PCDHGA11: variants seen among roughly 807,000 people sequenced by gnomAD.
PCDHGA11 encodes protocadherin gamma subfamily A, 11, also known as protocadherin gamma-A11.
PCDHGA11 carries 39 observed loss-of-function variants against 60.4 expected under a neutral mutation model. That is an observed-to-expected ratio of 0.65 (90% CI 0.50 to 0.84). The LOEUF (loss-of-function observed/expected upper bound fraction) is 0.84, where lower values mean the gene tolerates loss of function less well. Among genes scored for constraint, PCDHGA11 ranks in the 40% least tolerant of loss-of-function variants. The pLI, the probability that PCDHGA11 is intolerant of heterozygous loss-of-function variation, is 0.00. For missense variants in PCDHGA11, 1,165 were observed against 1,197.7 expected (o/e 0.97, Z 0.40); for synonymous variants, 533 against 510.3 (o/e 1.04, Z -0.60).
intron 1 of PCDHGA11, among the ~76,000 whole-genome samples, chr5:141,425,318 G>A (rs1304835508): frequency 1.3e-5 from 2 of 152,158 alleles, no homozygotes; most frequent in Non-Finnish European, 2.9e-5. Context: ...TCCCAAGATC[G>A]TGGAGAACAA....
chr5:141,424,768 A>G (rs143190880), intron 1 of PCDHGA11: 38 of 152,284 alleles, frequency 2.5e-4, no homozygotes, highest in African/African-American at 9.1e-4. Context: ...TCTTATGGCA[A>G]ATAGTACATT....
chr5:141,491,763 T>C lies in PCDHGA11; in HGVS notation c.2434-3044T>C. 1 of 1,570,222 alleles carries C rather than the reference T, an allele frequency of 6.4e-7. No homozygotes were observed. Among genetic ancestry groups the C allele is most frequent in the Non-Finnish European group, 8.6e-7 (1 of 1,159,286 alleles). Reference sequence around the variant, plus strand: ...GCGGCACTGGAGAAGCCGCCCGTCCTCATAAGGGATTGAACTTGCATCCAC... The same window carrying C: ...GCGGCACTGGAGAAGCCGCCCGTCCCCATAAGGGATTGAACTTGCATCCAC... On this transcript the variant is annotated intron_variant, in intron 1 of 3. Coordinates refer to ENST00000398587, the MANE Select transcript of PCDHGA11 (RefSeq NM_018914.3). The surrounding 1 kb of genome is among the most constrained non-coding windows in gnomAD (Gnocchi z 6.9).
chr5:141,431,642 G>A lies in PCDHGA11; in HGVS notation c.2433+7982G>A, dbSNP rs762914489. The A allele has an allele frequency of 6.2e-7, 1 of 1,614,272 alleles. No homozygotes were observed. The highest frequency in any genetic ancestry group is 1.1e-5 in the South Asian group (1 of 91,090). On this transcript the variant is annotated intron_variant, in intron 1 of 3. Transcript: ENST00000398587. This position sits in a 1 kb window ranked among gnomAD's most constrained non-coding sequence, Gnocchi z 4.8. ...CAAGGCGGCCCAAGTTTTCAAACTA[G>A]ATTGTAATTCAGGGACAATATCAAC... is the stretch of plus-strand genomic sequence containing the variant.
chr5:141,465,759 A>G (rs2099108647), intron 1 of PCDHGA11, among the ~76,000 whole-genome samples: 2 of 151,280 alleles, frequency 1.3e-5, no homozygotes, highest in South Asian at 4.2e-4. Context: ...TGGTAAAGTC[A>G]TGTTTCATCT....
rs566049956 is a variant in PCDHGA11 at position 141,511,685 on chromosome 5, G to A, written c.*512G>A. 1.0e-5 allele frequency: 2 copies of A among 198,374 alleles called. No individual in the cohort carries two copies. Among genetic ancestry groups the A allele is most frequent in the Non-Finnish European group, 2.1e-5 (2 of 94,428 alleles). The allele number at this position is 198,374 out of a possible 1,614,324, so 12.3% of individuals were successfully genotyped here. On this transcript the variant is annotated 3_prime_UTR_variant, in exon 4 of 4. Coordinates refer to ENST00000398587, the MANE Select transcript of PCDHGA11 (RefSeq NM_018914.3). ...GATTCTCAATCTTCCCCCAAAGCAT[G>A]GTTTGGTGCCAGCCCCTTCACCTCC...
At position 141,491,290 on chromosome 5, in the gene PCDHGA11, C is replaced by T. The variant is rs747758229; in HGVS notation, c.2434-3517C>T. Reference sequence around the variant, plus strand: ...CAAATCCAGTGACTTCCTCATACACCCTCCTGAGCGTTCAGACCTTACCCT... The same window carrying T: ...CAAATCCAGTGACTTCCTCATACACTCTCCTGAGCGTTCAGACCTTACCCT... On this transcript the variant is annotated intron_variant, in intron 1 of 3. Coordinates refer to ENST00000398587, the MANE Select transcript of PCDHGA11 (RefSeq NM_018914.3). The surrounding 1 kb of genome is among the most constrained non-coding windows in gnomAD (Gnocchi z 6.9). 6.2e-7 allele frequency: 1 copy of T among 1,613,974 alleles called. No homozygotes were observed. Among genetic ancestry groups the T allele is most frequent in the Non-Finnish European group, 8.5e-7 (1 of 1,179,952 alleles).
At chr5:141,454,997 A>G (rs2098809547) in intron 1 of PCDHGA11, among the ~76,000 whole-genome samples, 2 of 151,192 alleles carry the variant, frequency 1.3e-5, no homozygotes, top group Admixed American at 6.6e-5. Flanking sequence ...TATTTTTAGT[A>G]GAGACGGGGT....
chr5:141,445,302 A>C (rs2098462947), intron 1 of PCDHGA11, among the ~76,000 whole-genome samples: 1 of 152,220 alleles, frequency 6.6e-6, no homozygotes, highest in African/African-American at 2.4e-5. Flanking sequence ...CATTCTCTTC[A>C]GTTTGTAGGT....
rs1197249074 is a variant in PCDHGA11 at position 141,438,579 on chromosome 5, CATACATACATACATATATAT to C, written c.2433+14923_2433+14942del. ...AAGAGGCAGCTGTCTGATATACATACATACATACATACATATATATATATATATATATATATATATATATA... is the reference window on the plus strand; with the variant it reads ...AAGAGGCAGCTGTCTGATATACATACATATATATATATATATATATATATA... On this transcript the variant is annotated intron_variant, in intron 1 of 3. Transcript: ENST00000398587. Among the ~76,000 whole-genome samples the C allele has an allele frequency of 5.3e-3, 298 of 55,734 alleles. 1 individual carries two copies. Among genetic ancestry groups the C allele is most frequent in the Admixed American group, 0.022 (77 of 3,542 alleles). The allele number at this position is 55,734 out of a possible 152,430, so 36.6% of individuals were successfully genotyped here.
At chr5:141,436,707 T>C (rs985035872) in intron 1 of PCDHGA11, among the ~76,000 whole-genome samples, 18 of 152,208 alleles carry the variant, frequency 1.2e-4, no homozygotes, top group African/African-American at 4.3e-4. Context: ...GCACACTCGA[T>C]GTTCTGTTGG....
Position 141,489,092 on chromosome 5 carries a change from A to AATT in PCDHGA11, c.2434-5714_2434-5713insTTA. 2.9e-6 allele frequency: 1 copy of AATT among 348,332 alleles called. No individual in the cohort carries two copies. Among genetic ancestry groups the AATT allele is most frequent in the Non-Finnish European group, 4.7e-6 (1 of 214,538 alleles). 21.6% of individuals were successfully genotyped at this position (348,332 alleles called of 1,614,324 possible). A position where few individuals can be genotyped will look rare whatever the true frequency, so the allele number is the denominator to read the frequency against. On this transcript the variant is annotated intron_variant, in intron 1 of 3. Transcript: ENST00000398587. This position sits in a 1 kb window ranked among gnomAD's most constrained non-coding sequence, Gnocchi z 4.5. Reference sequence around the variant, plus strand: ...TGCCCACCCCCGCCACTCGGTGACTAAGAACTGCTGCAAGCAGGCAAACCT... The same window carrying AATT: ...TGCCCACCCCCGCCACTCGGTGACTAATTAGAACTGCTGCAAGCAGGCAAACCT...
In PCDHGA11 at chr5:141,431,375, G is replaced by T. The variant is rs139873616; in HGVS notation, c.2433+7715G>T. ...ACGCGCCCTGGACCGCGAAGAAAAGGCTGCTCACCACCTGGTCCTTACGGC... is the reference window on the plus strand; with the variant it reads ...ACGCGCCCTGGACCGCGAAGAAAAGTCTGCTCACCACCTGGTCCTTACGGC... On this transcript the variant is annotated intron_variant, in intron 1 of 3. Coordinates refer to ENST00000398587, the MANE Select transcript of PCDHGA11 (RefSeq NM_018914.3). This position sits in a 1 kb window ranked among gnomAD's most constrained non-coding sequence, Gnocchi z 4.8. 21 of 1,613,422 alleles carry T rather than the reference G, an allele frequency of 1.3e-5. No homozygotes were observed. The African/African-American group carries it at 2.8e-4, about 21-fold the overall frequency.
At chr5:141,497,142 C>T (rs1316569011) in intron 2 of PCDHGA11, among the ~76,000 whole-genome samples, 2 of 149,678 alleles carry the variant, frequency 1.3e-5, no homozygotes, top group South Asian at 2.1e-4. Context: ...GCTGAGATCA[C>T]GAAAAAAAAA....
Position 141,476,642 on chromosome 5 carries a change from C to G in PCDHGA11, c.2434-18165C>G. 6.2e-7 allele frequency: 1 copy of G among 1,614,240 alleles called. No homozygotes were observed. The highest frequency in any genetic ancestry group is 8.5e-7 in the Non-Finnish European group (1 of 1,180,050). ...CTCTTTACAAACCTATGAGCTGAGC[C>G]GAAATGAATACTTTGCGCTTCGCGT... On this transcript the variant is annotated intron_variant, in intron 1 of 3. Transcript: ENST00000398587. This position sits in a 1 kb window ranked among gnomAD's most constrained non-coding sequence, Gnocchi z 7.6.
intron 1 of PCDHGA11, among the ~76,000 whole-genome samples, chr5:141,481,676 G>A (rs975849679): frequency 3.3e-5 from 5 of 152,028 alleles, no homozygotes; most frequent in Admixed American, 1.3e-4. Flanking sequence ...AAATCAGGCC[G>A]GGCCTGGTGG....
chr5:141,469,704 C>T (rs1038504640), intron 1 of PCDHGA11, among the ~76,000 whole-genome samples: 9 of 152,340 alleles, frequency 5.9e-5, no homozygotes, highest in African/African-American at 1.9e-4. Flanking sequence ...ACCTAGTAAT[C>T]ACACTATTAG....
intron 2 of PCDHGA11, among the ~76,000 whole-genome samples, chr5:141,504,178 A>C (rs572543892): frequency 4.5e-4 from 69 of 152,366 alleles, no homozygotes; most frequent in Non-Finnish European, 7.6e-4. Context: ...AAATTCAAAA[A>C]AATCATGAAA....
At position 141,429,997 on chromosome 5, in the gene PCDHGA11, G is replaced by A. The variant is rs536289272; in HGVS notation, c.2433+6337G>A. Among the ~76,000 whole-genome samples, 3 of 152,240 alleles carry A rather than the reference G, an allele frequency of 2.0e-5. No homozygotes were observed. The East Asian group carries it at 5.8e-4, about 29-fold the overall frequency. On this transcript the variant is annotated intron_variant, in intron 1 of 3. Transcript: ENST00000398587. ...TCTACTTTATGCTAAAAATATTAAT[G>A]TTTCTTTTTCACTTGGGTTCTTGTT... is the stretch of plus-strand genomic sequence containing the variant.
intron 1 of PCDHGA11, among the ~76,000 whole-genome samples, chr5:141,443,577 G>A (rs567410923): frequency 1.3e-5 from 2 of 152,284 alleles, no homozygotes; most frequent in South Asian, 4.1e-4. Context: ...ATGGACTTGA[G>A]CTAAAACAGA....
Sources: gnomAD v4.1 joint callset for allele counts (sites outside exome capture counted in the v4.1 genomes callset) on GRCh38, gnomAD v4.1.1 for gene constraint, Gnocchi (gnomAD v3.1) non-coding constraint, MANE v1.5 for transcripts, NCBI Gene and HGNC (gene_info 2026-07-23, HGNC 2026-07-21) for gene names.